The following POP1 variants were observed in gnomAD, a reference collection of about 807,000 sequenced individuals.
POP1 encodes POP1 ribonuclease P/MRP subunit.
POP1 carries 75 observed loss-of-function variants against 102.2 expected under a neutral mutation model. That is an observed-to-expected ratio of 0.73 (90% CI 0.61 to 0.89). The LOEUF (loss-of-function observed/expected upper bound fraction) is 0.89, where lower values mean the gene tolerates loss of function less well. Ranked by LOEUF, POP1 falls within the 40% of genes least tolerant of loss-of-function variation. The pLI, the probability that POP1 is intolerant of heterozygous loss-of-function variation, is 0.00. For missense variants in POP1, 1,116 were observed against 1,267.4 expected (o/e 0.88, Z 1.81); for synonymous variants, 436 against 464.1 (o/e 0.94, Z 0.78).
intron 5 of POP1, among the ~76,000 whole-genome samples, chr8:98,133,644 T>G (rs1299825853): frequency 6.6e-6 from 1 of 152,242 alleles, no homozygotes; most frequent in East Asian, 1.9e-4. Context: ...GAATATGGGA[T>G]AAAACATAGA....
At position 98,148,967 on chromosome 8, in the gene POP1, A is replaced by G. The variant is rs754186116; in HGVS notation, c.1863A>G (p.Leu621=). The change falls in exon 13 of 16, where the codon CTA becomes CTG. Residue 621 remains leucine, a synonymous_variant. Coordinates refer to ENST00000401707, the MANE Select transcript of POP1 (RefSeq NM_001145860.2). ...RLGWGSGWDV[L]LPKGWGMAFW... ...GCTGGGGAAGTGGCTGGGATGTCCT[A>G]CTCCCAAAGGGCTGGGGCATGGCTT... is the stretch of plus-strand genomic sequence containing the variant. The G allele has an allele frequency of 1.8e-5, 29 of 1,613,426 alleles. No homozygotes were observed. The highest frequency in any genetic ancestry group is 3.3e-4 in the Middle Eastern group (2 of 6,080).
In POP1 at chr8:98,156,392, G is replaced by C; in HGVS notation, c.2400G>C (p.Gly800=). 2 of 1,613,822 alleles carry C rather than the reference G, an allele frequency of 1.2e-6. No individual in the cohort carries two copies. The highest frequency in any genetic ancestry group is 1.7e-6 in the Non-Finnish European group (2 of 1,179,998). The change falls in exon 15 of 16, where the codon GGG becomes GGC. Residue 800 remains glycine (G), a synonymous_variant. Transcript: ENST00000401707. ...EASENHVAAT[G]SHLCVLRSRK... is the part of the protein sequence containing the mutation. ...GTGAAAACCATGTTGCTGCCACAGG[G>C]AGTCACCTCTGCGTTCTCAGGTAAG...
At chr8:98,122,587 GATGTT>G (rs1257956166) in intron 1 of POP1, among the ~76,000 whole-genome samples, 7 of 152,128 alleles carry the variant, frequency 4.6e-5, no homozygotes, top group Non-Finnish European at 8.8e-5. Flanking sequence ...TGCCTGTGTG[GATGTT>G]ATTATTCCCT....
rs1487856724 is a variant in POP1, at chr8:98,158,518, T to A, written c.*247T>A. The A allele has an allele frequency of 2.0e-6, 1 of 490,506 alleles. No individual in the cohort carries two copies. Among genetic ancestry groups the A allele is most frequent in the African/African-American group, 1.9e-5 (1 of 51,284 alleles). The allele number at this position is 490,506 out of a possible 1,614,324, so 30.4% of individuals were successfully genotyped here. ...TGGCCAAAAGCTTTGTATTATGATC[T>A]CTTGGTCTGTGTAGTTGTGGCTGAA... On this transcript the variant is annotated 3_prime_UTR_variant, in exon 16 of 16. Coordinates refer to ENST00000401707, the MANE Select transcript of POP1 (RefSeq NM_001145860.2).
intron 12 of POP1, 94 bp from the exon 13 acceptor site, chr8:98,148,721 G>A (rs1809431582): frequency 1.9e-6 from 2 of 1,063,142 alleles, no homozygotes; most frequent in Non-Finnish European, 2.8e-6. Flanking sequence ...TTTTAAAAGA[G>A]CATTTAATTT....
In POP1 at chr8:98,128,402, T is replaced by A; in HGVS notation, c.348T>A (p.Ser116Arg). 6.2e-7 allele frequency: 1 copy of A among 1,614,166 alleles called. No homozygotes were observed. Among genetic ancestry groups the A allele is most frequent in the Non-Finnish European group, 8.5e-7 (1 of 1,180,020 alleles). ...TFAQARAAEI[S>R]AMLKAVTQKS... ...CTCAAGCACGAGCTGCTGAAATCAGTGCTATGTTAAAAGCTGTGACCCAGA... is the reference window on the plus strand; with the variant it reads ...CTCAAGCACGAGCTGCTGAAATCAGAGCTATGTTAAAAGCTGTGACCCAGA... The change falls in exon 4 of 16, where the codon AGT becomes AGA. Residue 116 changes from serine (S) to arginine (R), a missense_variant. Physicochemically the swap from Ser to Arg is moderately radical, Grantham distance 110. Transcript: ENST00000401707.
At chr8:98,157,514 A>T in intron 15 of POP1, 103 bp from the exon 16 acceptor site, 1 of 1,319,958 alleles carries the variant, frequency 7.6e-7, no homozygotes, top group Non-Finnish European at 1.1e-6. Flanking sequence ...ATTCTTATAT[A>T]GTATAAAAGA....
intron 14 of POP1, among the ~76,000 whole-genome samples, chr8:98,151,836 G>A (rs62522204): frequency 0.079 from 11,414 of 143,690 alleles, 518 homozygotes; most frequent in Non-Finnish European, 0.11. Flanking sequence ...TCCACCTCCC[G>A]GACCCAGGTG....
At chr8:98,119,689 C>T (rs1815955724) in intron 1 of POP1, among the ~76,000 whole-genome samples, 1 of 152,038 alleles carries the variant, frequency 6.6e-6, no homozygotes, top group South Asian at 2.1e-4. Context: ...AGCGATCTTC[C>T]CACTTCAGCC....
intron 5 of POP1, among the ~76,000 whole-genome samples, chr8:98,133,453 G>A (rs1224382985): frequency 6.6e-6 from 1 of 152,176 alleles, no homozygotes; most frequent in African/African-American, 2.4e-5. Flanking sequence ...TCTAGGCTTA[G>A]TGTTAAGTAA....
At chr8:98,149,139 A>G (rs1033398038) in intron 13 of POP1, 133 bp downstream of exon 13, 11 of 833,754 alleles carry the variant, frequency 1.3e-5, no homozygotes, top group South Asian at 9.8e-5. Flanking sequence ...CCTTAGAGCT[A>G]TAGTCCTGGA....
In POP1 at chr8:98,158,056, C is replaced by A. The variant is rs754188245; in HGVS notation, c.2860C>A (p.Arg954Ser). ...TLGLWSGPLP[R>S]VTLHCSRTLL... is the part of the protein sequence containing the mutation. ...AGGGCTGTGGTCAGGCCCTCTGCCG[C>A]GTGTGACGTTGCACTGCTCCAGAAC... The change falls in exon 16 of 16, where the codon CGT (arginine) becomes AGT (serine). Residue 954 changes from arginine to serine, a missense_variant. Physicochemically the swap from Arg to Ser is moderately radical, Grantham distance 110 (BLOSUM62 -1). Transcript: ENST00000401707. The A allele has an allele frequency of 6.2e-7, 1 of 1,609,864 alleles. No individual in the cohort carries two copies. The highest frequency in any genetic ancestry group is 8.5e-7 in the Non-Finnish European group (1 of 1,179,850).
chr8:98,145,658 C>G (rs1193307352), intron 11 of POP1, among the ~76,000 whole-genome samples: 3 of 152,148 alleles, frequency 2.0e-5, no homozygotes, highest in African/African-American at 7.2e-5. Flanking sequence ...ATAATCCCAG[C>G]ACTTTGGGAG....
chr8:98,147,050 A>T (rs953812922), intron 12 of POP1, among the ~76,000 whole-genome samples: 1 of 152,232 alleles, frequency 6.6e-6, no homozygotes, highest in African/African-American at 2.4e-5. Context: ...TGGTTGAAAT[A>T]TGTTTTTCTT....
In POP1 at chr8:98,158,127, C is replaced by T. The variant is rs1292596387; in HGVS notation, c.2931C>T (p.Gly977=). ...VTQGDFSMAV[G]CGEALGFVSL... ...AGGGAGATTTTTCCATGGCTGTTGGCTGTGGAGAAGCCCTGGGGTTTGTTA... is the reference window on the plus strand; with the variant it reads ...AGGGAGATTTTTCCATGGCTGTTGGTTGTGGAGAAGCCCTGGGGTTTGTTA... The change falls in exon 16 of 16, where the codon GGC becomes GGT. Residue 977 remains glycine, a synonymous_variant. Transcript: ENST00000401707. 6.2e-7 allele frequency: 1 copy of T among 1,606,730 alleles called. No individual in the cohort carries two copies. Among genetic ancestry groups the T allele is most frequent in the Admixed American group, 1.7e-5 (1 of 59,612 alleles).
rs1437213953 is a variant in POP1, at chr8:98,158,425, T to A, written c.*154T>A. 1.3e-6 allele frequency: 1 copy of A among 790,166 alleles called. No homozygotes were observed. The highest frequency in any genetic ancestry group is 2.1e-6 in the Non-Finnish European group (1 of 483,216). The allele number at this position is 790,166 out of a possible 1,614,324, so 48.9% of individuals were successfully genotyped here. A position where few individuals can be genotyped will look rare whatever the true frequency, so the allele number is the denominator to read the frequency against. ...TGTATTATGCAGATGATGAAATGTTTACATCATTCCAGTAATGTCATTGAT... is the reference window on the plus strand; with the variant it reads ...TGTATTATGCAGATGATGAAATGTTAACATCATTCCAGTAATGTCATTGAT... On this transcript the variant is annotated 3_prime_UTR_variant, in exon 16 of 16. Transcript: ENST00000401707.
At chr8:98,142,142 C>T (rs1463863356) in intron 11 of POP1, among the ~76,000 whole-genome samples, 1 of 152,138 alleles carries the variant, frequency 6.6e-6, no homozygotes, top group Admixed American at 6.5e-5. Context: ...AAGCTATAAA[C>T]TCTACTTAGT....
At chr8:98,126,926 T>A (rs1816222635) in intron 2 of POP1, among the ~76,000 whole-genome samples, 2 of 152,178 alleles carry the variant, frequency 1.3e-5, no homozygotes, top group South Asian at 4.1e-4. Context: ...CTGGTCCCAG[T>A]TATTTCAGAT....
In POP1 at chr8:98,117,306, C is replaced by T; in HGVS notation, c.-87C>T. On this transcript the variant is annotated 5_prime_UTR_variant, in exon 1 of 16. Coordinates refer to ENST00000401707, the MANE Select transcript of POP1 (RefSeq NM_001145860.2). ...CCGGTCTGGCGCATGCGCTCTCCAG[C>T]GCGCTCTCCAGGAGCTTTGGCTCGG... The T allele has an allele frequency of 1.7e-6, 1 of 595,256 alleles. No homozygotes were observed. Among genetic ancestry groups the T allele is most frequent in the Non-Finnish European group, 3.0e-6 (1 of 335,800 alleles). 36.9% of individuals were successfully genotyped at this position (595,256 alleles called of 1,614,324 possible). A position where few individuals can be genotyped will look rare whatever the true frequency, so the allele number is the denominator to read the frequency against.
Sources: allele counts gnomAD v4.1 joint callset (sites outside exome capture counted in the v4.1 genomes callset), GRCh38; gene constraint gnomAD v4.1.1; transcripts MANE v1.5; gene names NCBI Gene and HGNC (gene_info 2026-07-23, HGNC 2026-07-21).